Variants in CAPZB observed in about 807,000 individuals in gnomAD.
The protein encoded by CAPZB is capping actin protein of muscle Z-line subunit beta, also known as F-actin-capping protein subunit beta.
A neutral mutation model predicts 38.1 loss-of-function variants in CAPZB; 2 were observed. The observed-to-expected ratio is 0.05, with a 90% CI of 0.02 to 0.17. CAPZB has a LOEUF of 0.17. Ranked by LOEUF, CAPZB falls within the 10% of genes least tolerant of loss-of-function variation. The pLI is 1.00. For missense variants in CAPZB, 161 were observed against 334.2 expected, an observed-to-expected ratio of 0.48 and a Z score of 4.04; for synonymous variants, 107 against 127.4, an observed-to-expected ratio of 0.84 and a Z score of 1.08.
intron 6 of CAPZB, among the ~76,000 whole-genome samples, chr1:19,349,011 G>C (rs76971975): frequency 1.6e-4 from 24 of 152,270 alleles, no homozygotes; most frequent in African/African-American, 5.5e-4. Flanking sequence ...CAGGAGTAGT[G>C]AGAGTGCCCA....
At position 19,419,686 on chromosome 1, in the gene CAPZB, T is replaced by G. The variant is rs185128330; in HGVS notation, c.68A>C (p.Lys23Thr). 4.4e-5 allele frequency: 70 copies of G among 1,597,136 alleles called. No individual in the cohort carries two copies. In the East Asian group the frequency reaches 1.4e-3, roughly 31 times the overall value. The change falls in exon 2 of 9, where the codon AAA becomes ACA. Residue 23 changes from lysine (K) to threonine (T), a missense_variant. Transcript: ENST00000264202. ...MRRLPPQQIE[K>T]NLSDLIDLVP... ...CAGGTCGATCAGGTCGCTGAGGTTT[T>G]TCTCGATTTGCTGGGGAGGCAGGCG... is the stretch of plus-strand genomic sequence containing the variant.
intron 1 of CAPZB, among the ~76,000 whole-genome samples, chr1:19,449,520 GC>G (rs1180423922): frequency 2.0e-5 from 3 of 152,110 alleles, no homozygotes; most frequent in Non-Finnish European, 2.9e-5. Context: ...GGGGGCTGTG[GC>G]CCACACCTGT....
intron 2 of CAPZB, among the ~76,000 whole-genome samples, chr1:19,408,707 T>C (rs2100420667): frequency 6.6e-6 from 1 of 152,292 alleles, no homozygotes; most frequent in East Asian, 1.9e-4. Flanking sequence ...TGAGAGACCA[T>C]CAGGCCTGCA....
chr1:19,444,342 G>A (rs190128788), intron 1 of CAPZB, among the ~76,000 whole-genome samples: 1 of 152,090 alleles, frequency 6.6e-6, no homozygotes. Flanking sequence ...CAGACACCCA[G>A]CTGCCACCTC....
intron 1 of CAPZB, among the ~76,000 whole-genome samples, chr1:19,454,290 G>A (rs2094526214): frequency 6.6e-6 from 1 of 152,206 alleles, no homozygotes; most frequent in Non-Finnish European, 1.5e-5. Context: ...CCTCAGGTGG[G>A]CTGAAGAATG....
intron 1 of CAPZB, among the ~76,000 whole-genome samples, chr1:19,435,040 A>G (rs1471764050): frequency 9.0e-6 from 1 of 110,804 alleles, no homozygotes; most frequent in Non-Finnish European, 2.1e-5. Flanking sequence ...TTAAACATAT[A>G]CACGCACACT....
chr1:19,438,975 C>T (rs2094467140), intron 1 of CAPZB, among the ~76,000 whole-genome samples: 2 of 152,204 alleles, frequency 1.3e-5, no homozygotes, highest in South Asian at 2.1e-4. Flanking sequence ...GATAGGAATC[C>T]GTTTCCAATC....
intron 3 of CAPZB, 21 bp from the exon 4 acceptor site, chr1:19,378,674 G>C (rs1245772632): frequency 1.5e-6 from 2 of 1,299,880 alleles, no homozygotes; most frequent in African/African-American, 2.9e-5. Context: ...GGAAGGAAAA[G>C]TATATACCAT....
intron 3 of CAPZB, among the ~76,000 whole-genome samples, chr1:19,385,232 T>C (rs2094197424): frequency 6.6e-6 from 1 of 152,192 alleles, no homozygotes; most frequent in Admixed American, 6.5e-5. Flanking sequence ...GGAAGATCCA[T>C]GAAGGCAGGG....
intron 1 of CAPZB, chr1:19,448,877 G>A: frequency 1.2e-6 from 2 of 1,612,910 alleles, no homozygotes; most frequent in South Asian, 2.2e-5. Flanking sequence ...GCCAAGGCCT[G>A]GGCGAGAGAA....
rs1015832666 is a variant in CAPZB at position 19,433,734 on chromosome 1, T to C, written c.4-13984A>G. Among the ~76,000 whole-genome samples, 7 of 152,336 alleles carry C rather than the reference T, an allele frequency of 4.6e-5. No homozygotes were observed. In the East Asian group the frequency reaches 9.6e-4, roughly 21 times the overall value. ...CTTGAGGAAAAGAACACAGTGCTTA[T>C]TGATCCAACAAACCACTTGGGCTAT... On this transcript the variant is annotated intron_variant, in intron 1 of 8. Coordinates refer to ENST00000264202, the MANE Select transcript of CAPZB (RefSeq NM_004930.5).
intron 1 of CAPZB, among the ~76,000 whole-genome samples, chr1:19,458,891 T>C (rs959277681): frequency 2.0e-5 from 3 of 152,244 alleles, no homozygotes; most frequent in Non-Finnish European, 4.4e-5. Context: ...AGCCCAATTC[T>C]GAAAAATGCA....
intron 3 of CAPZB, among the ~76,000 whole-genome samples, chr1:19,379,701 C>A (rs1332980527): frequency 2.0e-5 from 3 of 152,136 alleles, no homozygotes; most frequent in African/African-American, 7.2e-5. Flanking sequence ...TGCTGTATTT[C>A]TTGAAATGTA....
chr1:19,360,660 G>T (rs189089265), intron 4 of CAPZB, among the ~76,000 whole-genome samples: 3 of 152,288 alleles, frequency 2.0e-5, no homozygotes, highest in South Asian at 4.1e-4. Flanking sequence ...ATCCCTGAGC[G>T]TTTCATTTCT....
chr1:19,378,539 C>G lies in CAPZB; in HGVS notation c.329+1G>C. On this transcript the variant is annotated splice_donor_variant, in intron 4 of 8. Transcript: ENST00000264202. LOFTEE classifies it high-confidence loss of function. ...AAGTGCAACAGGAGAAAATGACTCA[C>G]AGGTCTCGATACTGGTCAAAGGCAT... 1 of 1,562,670 alleles carries G rather than the reference C, an allele frequency of 6.4e-7. No individual in the cohort carries two copies. The highest frequency in any genetic ancestry group is 2.2e-5 in the East Asian group (1 of 44,650).
At chr1:19,341,879 AGTCTGCT>A in intron 8 of CAPZB, among the ~76,000 whole-genome samples, 1 of 152,184 alleles carries the variant, frequency 6.6e-6, no homozygotes, top group Non-Finnish European at 1.5e-5. Flanking sequence ...CACCTTGGAA[AGTCTGCT>A]GCACCCCTTC....
chr1:19,363,754 C>T (rs913680486), intron 4 of CAPZB, among the ~76,000 whole-genome samples: 1 of 152,166 alleles, frequency 6.6e-6, no homozygotes, highest in Non-Finnish European at 1.5e-5. Context: ...GGCTGCAAAT[C>T]TAACAGGGAA....
chr1:19,464,289 ATT>A (rs891453430), intron 1 of CAPZB, among the ~76,000 whole-genome samples: 27 of 132,528 alleles, frequency 2.0e-4, no homozygotes, highest in Non-Finnish European at 1.6e-4. Context: ...ATCTCTGAAG[ATT>A]TTTTTTTTTT....
chr1:19,376,620 C>T (rs960847635), intron 4 of CAPZB, among the ~76,000 whole-genome samples: 4 of 152,230 alleles, frequency 2.6e-5, no homozygotes, highest in Non-Finnish European at 5.9e-5. Flanking sequence ...CAAGTGTCTC[C>T]TCAAGAGGCC....
Sources: gnomAD v4.1 joint callset for allele counts (sites outside exome capture counted in the v4.1 genomes callset) on GRCh38, gnomAD v4.1.1 for gene constraint, MANE v1.5 for transcripts, NCBI Gene and HGNC (gene_info 2026-07-23, HGNC 2026-07-21) for gene names.